The following CTPS1 variants were observed in gnomAD, a reference collection of about 807,000 sequenced individuals.
CTPS1 encodes CTP synthase 1, also known as CTP synthetase 1.
Under a neutral mutation model 80.5 loss-of-function variants are expected in CTPS1, and 25 were observed. The observed-to-expected ratio is 0.31, with a 90% CI of 0.23 to 0.43. The LOEUF (loss-of-function observed/expected upper bound fraction) is 0.43, where lower values mean the gene tolerates loss of function less well. Ranked by LOEUF, CTPS1 falls within the 20% of genes least tolerant of loss-of-function variation. The pLI is 1.00. For missense variants in CTPS1, 442 were observed against 725.7 expected, an observed-to-expected ratio of 0.61 and a Z score of 4.49; for synonymous variants, 267 against 252.5, an observed-to-expected ratio of 1.06 and a Z score of -0.54.
chr1:40,984,931 A>G lies in CTPS1; in HGVS notation c.277A>G (p.Ile93Val), dbSNP rs1558131729. ...GGACAATAATCTGACCACTGGAAAG[A>G]TATACCAGTATGTCATTAACAAGGA... ...TKDNNLTTGK[I>V]YQYVINKERK... Residue 93 changes from isoleucine (I) to valine (V), a missense_variant, in exon 3 of 19, where the codon ATA (isoleucine) becomes GTA (valine). This residue lies in a region of CTPS1 where 69 missense variants were observed against 102.1 expected (regional missense o/e 0.68). Coordinates refer to ENST00000650070, the MANE Select transcript of CTPS1 (RefSeq NM_001905.4). 2 of 1,605,226 alleles carry G rather than the reference A, an allele frequency of 1.2e-6. No individual in the cohort carries two copies. Among genetic ancestry groups the G allele is most frequent in the Non-Finnish European group, 8.5e-7 (1 of 1,173,896 alleles).
In CTPS1 at chr1:41,010,246, T is replaced by A. The variant is rs369776316; in HGVS notation, c.*1T>A. The stretch of plus-strand genomic sequence containing the variant: ...GTTTCCATCAATAAATCATGACTGA[T>A]CTTGTAGCGTAAGTGGTACTTTAAA... On this transcript the variant is annotated 3_prime_UTR_variant, in exon 18 of 19. Transcript: ENST00000650070. 11 of 1,608,890 alleles carry A rather than the reference T, an allele frequency of 6.8e-6. No individual in the cohort carries two copies. The African/African-American group carries it at 1.2e-4, about 18-fold the overall frequency.
chr1:40,981,893 C>G (rs1044673396), intron 1 of CTPS1: 1 of 950,826 alleles, frequency 1.1e-6, no homozygotes, highest in Non-Finnish European at 1.4e-6. Context: ...GGGAATGCTT[C>G]GAGCACAACT....
intron 14 of CTPS1, among the ~76,000 whole-genome samples, chr1:41,008,177 A>C (rs1643081640): frequency 6.6e-6 from 1 of 152,178 alleles, no homozygotes; most frequent in Admixed American, 6.5e-5. Flanking sequence ...CTGTGAAATG[A>C]GTCAGTAGAG....
chr1:41,000,819 A>C, intron 9 of CTPS1: 1 of 277,912 alleles, frequency 3.6e-6, no homozygotes, highest in Non-Finnish European at 6.7e-6. Flanking sequence ...TTTTGAAGGA[A>C]ACTGTTGTAT....
intron 7 of CTPS1, among the ~76,000 whole-genome samples, chr1:40,993,648 T>A (rs866184700): frequency 2.6e-5 from 4 of 152,196 alleles, no homozygotes; most frequent in African/African-American, 4.8e-5. Flanking sequence ...CCTTACTTAC[T>A]CTTTTAATTG....
chr1:40,997,166 A>G (rs1169261497), intron 8 of CTPS1: 1 of 478,294 alleles, frequency 2.1e-6, no homozygotes, highest in Middle Eastern at 5.4e-4. Context: ...AGGGTCTCAC[A>G]CTGTTGCCCA....
rs200087914 is a variant in CTPS1, at chr1:40,997,466, C to G, written c.945C>G (p.Ala315=). The G allele has an allele frequency of 3.3e-5, 54 of 1,614,100 alleles. No individual in the cohort carries two copies. Among genetic ancestry groups the G allele is most frequent in the Non-Finnish European group, 2.2e-5 (26 of 1,180,048 alleles). Residue 315 remains alanine, a synonymous_variant, in exon 9 of 19, where the codon GCC becomes GCG. Coordinates refer to ENST00000650070, the MANE Select transcript of CTPS1 (RefSeq NM_001905.4). The part of the protein sequence containing the change: ...GKYTKFSDSY[A]SVIKALEHSA... The stretch of plus-strand genomic sequence containing the variant: ...ACACGAAGTTCTCAGACTCCTATGC[C>G]TCTGTCATTAAGGCTCTGGAGCATT...
intron 7 of CTPS1, 59 bp from the exon 8 acceptor site, chr1:40,995,858 G>A: frequency 6.5e-7 from 1 of 1,537,530 alleles, no homozygotes; most frequent in Non-Finnish European, 8.9e-7. Flanking sequence ...TAGCTAGTAG[G>A]AGGCTGTAAG....
At chr1:40,991,655 C>T (rs1398809441) in intron 6 of CTPS1, 110 bp from the exon 7 acceptor site, 31 of 702,208 alleles carry the variant, frequency 4.4e-5, no homozygotes, top group Non-Finnish European at 7.0e-5. Flanking sequence ...TGAGAGTTAA[C>T]GTTTTCGTTC....
rs1272073160 is a variant in CTPS1, at chr1:41,007,275, C to T, written c.1297-174C>T. 2.0e-5 allele frequency among the ~76,000 whole-genome samples: 3 copies of T among 152,160 alleles called. No individual in the cohort carries two copies. The highest frequency in any genetic ancestry group is 4.4e-5 in the Non-Finnish European group (3 of 68,038). On this transcript the variant is annotated intron_variant, in intron 13 of 18. Transcript: ENST00000650070. This position sits in a 1 kb window ranked among gnomAD's most constrained non-coding sequence, Gnocchi z 4.4. ...CTGAAGGACGGAGCCTCCACCCAACCGAGGTTACAAATGCCAACTGGGAGG... is the reference window on the plus strand; with the variant it reads ...CTGAAGGACGGAGCCTCCACCCAACTGAGGTTACAAATGCCAACTGGGAGG...
At chr1:40,984,632 GTTACCT>G (rs1341040287) in intron 2 of CTPS1, among the ~76,000 whole-genome samples, 183 bp from the exon 3 acceptor site, 1 of 152,160 alleles carries the variant, frequency 6.6e-6, no homozygotes, top group African/African-American at 2.4e-5. Flanking sequence ...GAAGTATGAG[GTTACCT>G]TTTAGAGAAT....
chr1:41,006,002 A>G (rs181911804), intron 12 of CTPS1, 49 bp from the exon 13 acceptor site: 2 of 1,445,424 alleles, frequency 1.4e-6, no homozygotes, highest in East Asian at 2.3e-5. Flanking sequence ...GAAACTATTA[A>G]TCACTTTCGT....
chr1:40,996,268 G>A, intron 8 of CTPS1, 200 bp downstream of exon 8: 1 of 613,910 alleles, frequency 1.6e-6, no homozygotes, highest in South Asian at 2.0e-5. Flanking sequence ...TCCTGATAGG[G>A]CCAGGCCAGG....
At chr1:40,980,781 A>C (rs1011764336) in intron 1 of CTPS1, 3 of 152,270 alleles carry the variant, frequency 2.0e-5, no homozygotes, top group African/African-American at 7.2e-5. Context: ...TGGGCATGCC[A>C]GTTTGCACAT....
At chr1:41,002,104 G>T in intron 10 of CTPS1, 56 bp from the exon 11 acceptor site, 3 of 1,518,848 alleles carry the variant, frequency 2.0e-6, no homozygotes, top group Non-Finnish European at 2.7e-6. Flanking sequence ...GGCGATTATT[G>T]CAAGTTGGAC....
At chr1:41,010,306 G>A in intron 18 of CTPS1, 52 bp downstream of exon 18, 1 of 1,255,718 alleles carries the variant, frequency 8.0e-7, no homozygotes, top group South Asian at 1.2e-5. Flanking sequence ...ATAACACACT[G>A]CGATTGCAAG....
intron 3 of CTPS1, among the ~76,000 whole-genome samples, chr1:40,986,861 T>C (rs1642467988): frequency 6.6e-6 from 1 of 151,916 alleles, no homozygotes; most frequent in South Asian, 2.1e-4. Flanking sequence ...TAACGAGTCA[T>C]GAGACTAAGG....
intron 5 of CTPS1, among the ~76,000 whole-genome samples, chr1:40,990,783 G>A (rs1485006882): frequency 1.3e-5 from 2 of 152,204 alleles, no homozygotes; most frequent in Non-Finnish European, 1.5e-5. Context: ...TAAAAAGTAT[G>A]TAAACCCAAA....
At chr1:41,002,118 T>G (rs1570972241) in intron 10 of CTPS1, 42 bp from the exon 11 acceptor site, 1 of 1,580,690 alleles carries the variant, frequency 6.3e-7, no homozygotes, top group Non-Finnish European at 8.7e-7. Flanking sequence ...GTTGGACTGG[T>G]AGAAAAGGGG....
Sources: allele counts gnomAD v4.1 joint callset (sites outside exome capture counted in the v4.1 genomes callset), GRCh38; gene constraint gnomAD v4.1.1; regional missense constraint gnomAD v4.1.1; non-coding constraint Gnocchi (gnomAD v3.1); transcripts MANE v1.5; gene names NCBI Gene and HGNC (gene_info 2026-07-23, HGNC 2026-07-21).